The following VPS13B variants were observed in gnomAD, a reference collection of about 807,000 sequenced individuals.
VPS13B encodes the protein intermembrane lipid transfer protein VPS13B.
In VPS13B, 285 loss-of-function variants were observed where a neutral mutation model predicts 426.4. The observed-to-expected ratio is 0.67, with a 90% confidence interval of 0.61 to 0.74. VPS13B has a LOEUF of 0.74. VPS13B is among the 30% of genes least tolerant of loss of function. The pLI, the probability that VPS13B is intolerant of heterozygous loss-of-function variation, is 0.00. For missense variants in VPS13B, 4,537 were observed against 4,782.6 expected (o/e 0.95, Z 1.51); for synonymous variants, 1,676 against 1,676.4 (o/e 1.00, Z 0.01).
At chr8:99,185,596 G>A (rs1813179515) in intron 16 of VPS13B, among the ~76,000 whole-genome samples, 1 of 152,088 alleles carries the variant, frequency 6.6e-6, no homozygotes, top group Non-Finnish European at 1.5e-5. Flanking sequence ...TGCATTTTGG[G>A]ACTCTATATA....
intron 3 of VPS13B, among the ~76,000 whole-genome samples, chr8:99,095,417 C>A (rs1234651012): frequency 6.6e-6 from 1 of 152,118 alleles, no homozygotes; most frequent in African/African-American, 2.4e-5. Flanking sequence ...CCTCATTTAG[C>A]CCCAGTCTAA....
intron 7 of VPS13B, among the ~76,000 whole-genome samples, chr8:99,117,160 A>G (rs949838167): frequency 3.9e-5 from 6 of 152,210 alleles, no homozygotes; most frequent in African/African-American, 1.4e-4. Context: ...TTAGGGGCAA[A>G]TAACCCAATT....
At chr8:99,410,558 A>ATTTG (rs1156797633) in intron 21 of VPS13B, among the ~76,000 whole-genome samples, 2 of 150,714 alleles carry the variant, frequency 1.3e-5, no homozygotes, top group African/African-American at 4.9e-5. Flanking sequence ...TTATTTATTT[A>ATTTG]TTTATTTATT....
At chr8:99,360,154 CTTTCTT>C (rs1812439947) in intron 19 of VPS13B, among the ~76,000 whole-genome samples, 2 of 33,044 alleles carry the variant, frequency 6.1e-5, no homozygotes, top group African/African-American at 3.0e-4. Context: ...TTCTTTCTTT[CTTTCTT>C]TCTTTCTTTC....
At chr8:99,053,387 G>C (rs985988690) in intron 3 of VPS13B, among the ~76,000 whole-genome samples, 1 of 151,922 alleles carries the variant, frequency 6.6e-6, no homozygotes, top group African/African-American at 2.4e-5. Flanking sequence ...GAGAACATGC[G>C]GTTTTTTTGG....
At chr8:99,136,801 A>G (rs1365219620) in intron 12 of VPS13B, 49 bp downstream of exon 12, 1 of 1,572,056 alleles carries the variant, frequency 6.4e-7, no homozygotes, top group Non-Finnish European at 8.7e-7. Flanking sequence ...CAACTGAAAC[A>G]AAGCCTTCCT....
Position 99,355,523 on chromosome 8 carries a change from G to A in VPS13B, c.2825-28685G>A, listed in dbSNP as rs1269907856. Among the ~76,000 whole-genome samples, 7 of 152,212 alleles carry A rather than the reference G, an allele frequency of 4.6e-5. No individual in the cohort carries two copies. The South Asian group carries it at 6.2e-4, about 14-fold the overall frequency. On this transcript the variant is annotated intron_variant, in intron 19 of 61. Coordinates refer to ENST00000357162, the MANE Select transcript of VPS13B (RefSeq NM_152564.5). ...GGAGAATCGCTTGAACCTGGGAGGC[G>A]GAGGTTGCAGTGAGCCTAGATAGCG...
intron 54 of VPS13B, among the ~76,000 whole-genome samples, chr8:99,843,119 A>G (rs551775042): frequency 6.6e-6 from 1 of 152,250 alleles, no homozygotes; most frequent in South Asian, 2.1e-4. Flanking sequence ...GTGCCACTTC[A>G]CTCCATCCTG....
At chr8:99,177,001 A>T (rs1302741014) in intron 16 of VPS13B, among the ~76,000 whole-genome samples, 1 of 152,196 alleles carries the variant, frequency 6.6e-6, no homozygotes, top group Non-Finnish European at 1.5e-5. Context: ...GCCATTAAGA[A>T]AATTATTGAG....
intron 16 of VPS13B, among the ~76,000 whole-genome samples, chr8:99,188,123 TA>T (rs957484843): frequency 5.8e-4 from 88 of 150,810 alleles, no homozygotes; most frequent in African/African-American, 2.1e-3. Flanking sequence ...AACAGAGTTC[TA>T]ATACTTTAGG....
intron 19 of VPS13B, among the ~76,000 whole-genome samples, chr8:99,333,311 C>CT (rs1418307387): frequency 6.6e-6 from 1 of 151,704 alleles, no homozygotes; most frequent in Non-Finnish European, 1.5e-5. Flanking sequence ...ACTTTACTTT[C>CT]TTTTAATGAA....
intron 33 of VPS13B, among the ~76,000 whole-genome samples, chr8:99,606,107 G>C (rs1827561976): frequency 6.6e-6 from 1 of 151,862 alleles, no homozygotes; most frequent in South Asian, 2.1e-4. Context: ...GTTTTGCCAT[G>C]TTGCCCAGGC....
At chr8:99,868,198 T>G in intron 58 of VPS13B, 91 bp from the exon 59 acceptor site, 3 of 1,551,778 alleles carry the variant, frequency 1.9e-6, no homozygotes, top group Non-Finnish European at 2.6e-6. Flanking sequence ...GGACTCATTT[T>G]CAATCCAGAT....
intron 2 of VPS13B, among the ~76,000 whole-genome samples, chr8:99,031,289 C>T (rs1842498161): frequency 6.6e-6 from 1 of 152,054 alleles, no homozygotes; most frequent in Admixed American, 6.6e-5. Flanking sequence ...TCATTCAGAT[C>T]ATGAATTGTT....
intron 17 of VPS13B, among the ~76,000 whole-genome samples, chr8:99,210,457 G>T (rs1362282773): frequency 6.6e-6 from 1 of 152,004 alleles, no homozygotes; most frequent in African/African-American, 2.4e-5. Flanking sequence ...CGGATATCGG[G>T]TCATTTTTGT....
intron 15 of VPS13B, among the ~76,000 whole-genome samples, chr8:99,169,061 C>T (rs1812179835): frequency 6.6e-6 from 1 of 151,648 alleles, no homozygotes; most frequent in Admixed American, 6.6e-5. Context: ...ATTTTGAAAT[C>T]AGTTATGAAG....
Position 99,818,751 on chromosome 8 carries a change from T to C in VPS13B, c.8484T>C (p.Leu2828=), listed in dbSNP as rs781511713. 1 of 1,614,042 alleles carries C rather than the reference T, an allele frequency of 6.2e-7. No individual in the cohort carries two copies. Among genetic ancestry groups the C allele is most frequent in the South Asian group, 1.1e-5 (1 of 91,072 alleles). ...FSPLFIMRSH[L]PDPIIIHLEK... ...CTCTTTTTATCATGAGGAGTCATCTTCCAGACCCCATTATCATACATTTGG... is the reference window on the plus strand; with the variant it reads ...CTCTTTTTATCATGAGGAGTCATCTCCCAGACCCCATTATCATACATTTGG... The change falls in exon 47 of 62, where the codon CTT becomes CTC. Residue 2828 remains leucine, a synonymous_variant. Coordinates refer to ENST00000357162, the MANE Select transcript of VPS13B (RefSeq NM_152564.5).
chr8:99,423,429 T>A (rs1347983728), intron 21 of VPS13B, among the ~76,000 whole-genome samples: 1 of 148,852 alleles, frequency 6.7e-6, no homozygotes, highest in Admixed American at 6.7e-5. Flanking sequence ...GCTAATTTTT[T>A]TTTTTTTTTT....
intron 19 of VPS13B, among the ~76,000 whole-genome samples, chr8:99,300,158 T>C (rs1407558948): frequency 1.3e-5 from 2 of 152,324 alleles, no homozygotes; most frequent in Middle Eastern, 3.4e-3. Context: ...CTTGTGTGTG[T>C]GTTTGTGTGT....
Sources: gnomAD v4.1 joint callset for allele counts (sites outside exome capture counted in the v4.1 genomes callset) on GRCh38, gnomAD v4.1.1 for gene constraint, MANE v1.5 for transcripts, NCBI Gene and HGNC (gene_info 2026-07-23, HGNC 2026-07-21) for gene names.